DCC: variants seen among roughly 807,000 people sequenced by gnomAD.
The protein encoded by DCC is DCC netrin 1 receptor, also known as netrin receptor DCC.
DCC carries 58 observed loss-of-function variants against 172.5 expected under a neutral mutation model. That is an observed-to-expected ratio of 0.34 (90% CI 0.27 to 0.42). The LOEUF is 0.42. Among genes scored for constraint, DCC ranks in the 10% least tolerant of loss-of-function variants. The pLI, the probability that DCC is intolerant of heterozygous loss-of-function variation, is 1.00. For missense variants in DCC, 1,740 were observed against 1,791.0 expected, an observed-to-expected ratio of 0.97 and a Z score of 0.51; for synonymous variants, 709 against 644.5, an observed-to-expected ratio of 1.10 and a Z score of -1.52.
At chr18:53,073,634 T>C (rs1401330208) in intron 7 of DCC, among the ~76,000 whole-genome samples, 2 of 152,086 alleles carry the variant, frequency 1.3e-5, no homozygotes, top group African/African-American at 2.4e-5. Context: ...AGGGGAAATA[T>C]ATTGGTTAGA....
At chr18:52,465,719 G>A (rs78649955) in intron 1 of DCC, among the ~76,000 whole-genome samples, 9,379 of 150,950 alleles carry the variant, frequency 0.062, 360 homozygotes, top group East Asian at 0.099. Flanking sequence ...TGAAGGAGGA[G>A]TACACACGTT....
chr18:53,530,115 C>A (rs1305818848), intron 28 of DCC, among the ~76,000 whole-genome samples: 2 of 152,136 alleles, frequency 1.3e-5, no homozygotes, highest in Non-Finnish European at 2.9e-5. Context: ...GTAAGAGGAA[C>A]AGGAGCTAAT....
chr18:52,599,097 A>G (rs1350933975), intron 1 of DCC, among the ~76,000 whole-genome samples: 1 of 152,216 alleles, frequency 6.6e-6, no homozygotes, highest in Non-Finnish European at 1.5e-5. Context: ...GTCAAACCAC[A>G]GATGGATCAA....
intron 2 of DCC, among the ~76,000 whole-genome samples, chr18:52,898,534 G>A (rs1217230402): frequency 6.6e-6 from 1 of 152,110 alleles, no homozygotes; most frequent in East Asian, 1.9e-4. Flanking sequence ...TGACTGTCTG[G>A]ATCTGATGGA....
At chr18:53,013,966 T>C (rs1327507774) in intron 5 of DCC, among the ~76,000 whole-genome samples, 1 of 152,138 alleles carries the variant, frequency 6.6e-6, no homozygotes, top group African/African-American at 2.4e-5. Context: ...ACTGTACCAT[T>C]ACATGGATTA....
intron 7 of DCC, among the ~76,000 whole-genome samples, chr18:53,071,510 T>A (rs2144107133): frequency 6.6e-6 from 1 of 152,310 alleles, no homozygotes; most frequent in East Asian, 1.9e-4. Context: ...CAATTATTTA[T>A]TTTCTGTCTC....
At chr18:53,311,615 A>G (rs2057269882) in intron 13 of DCC, among the ~76,000 whole-genome samples, 1 of 152,224 alleles carries the variant, frequency 6.6e-6, no homozygotes, top group South Asian at 2.1e-4. Flanking sequence ...ATAACTTTGT[A>G]AAAGATAATT....
At chr18:52,443,766 T>C (rs866765105) in intron 1 of DCC, among the ~76,000 whole-genome samples, 47 of 152,320 alleles carry the variant, frequency 3.1e-4, no homozygotes, top group African/African-American at 1.1e-3. Context: ...GTTAGGACTT[T>C]ATTGTGTAGC....
At chr18:52,782,698 G>A (rs541816309) in intron 2 of DCC, among the ~76,000 whole-genome samples, 1 of 151,838 alleles carries the variant, frequency 6.6e-6, no homozygotes, top group South Asian at 2.1e-4. Flanking sequence ...GCTGAACCTG[G>A]ATCAATTGCT....
intron 1 of DCC, among the ~76,000 whole-genome samples, chr18:52,590,335 T>G (rs2033772199): frequency 6.6e-6 from 1 of 152,234 alleles, no homozygotes; most frequent in African/African-American, 2.4e-5. Flanking sequence ...TCTACAATTC[T>G]TTTTAAAATT....
chr18:52,492,720 C>T (rs1176096851), intron 1 of DCC, among the ~76,000 whole-genome samples: 1 of 152,068 alleles, frequency 6.6e-6, no homozygotes, highest in African/African-American at 2.4e-5. Flanking sequence ...TGTTGCCCCG[C>T]AGTGTGTGTG....
intron 7 of DCC, among the ~76,000 whole-genome samples, chr18:53,066,385 A>G (rs866342633): frequency 1.2e-4 from 10 of 80,980 alleles, no homozygotes; most frequent in East Asian, 8.4e-4. Flanking sequence ...ATATATATAT[A>G]TATATATATA....
chr18:52,864,817 G>A (rs2039195486), intron 2 of DCC, among the ~76,000 whole-genome samples: 1 of 151,560 alleles, frequency 6.6e-6, no homozygotes, highest in South Asian at 2.1e-4. Context: ...TGAGAATGAT[G>A]GTTTCCAGCT....
At chr18:53,014,835 T>A (rs2041785379) in intron 5 of DCC, among the ~76,000 whole-genome samples, 1 of 152,076 alleles carries the variant, frequency 6.6e-6, no homozygotes, top group African/African-American at 2.4e-5. Context: ...AGACCAAAAT[T>A]AGGCCATCCC....
intron 1 of DCC, among the ~76,000 whole-genome samples, chr18:52,569,170 T>C (rs11665228): frequency 0.14 from 20,950 of 152,248 alleles, 1,544 homozygotes; most frequent in South Asian, 0.22. Context: ...CATCAATCTG[T>C]ACTGTGTGTG....
chr18:53,313,741 C>T (rs1340070954), intron 13 of DCC, among the ~76,000 whole-genome samples: 1 of 152,154 alleles, frequency 6.6e-6, no homozygotes, highest in Non-Finnish European at 1.5e-5. Flanking sequence ...AAATTTGTTG[C>T]TAATGTCTCT....
At chr18:53,322,472 T>G (rs1186656327) in intron 14 of DCC, among the ~76,000 whole-genome samples, 1 of 152,112 alleles carries the variant, frequency 6.6e-6, no homozygotes, top group Non-Finnish European at 1.5e-5. Flanking sequence ...CCTTAACCAT[T>G]TCGTTCACAA....
At chr18:53,498,805 AT>A (rs1182448054) in intron 26 of DCC, among the ~76,000 whole-genome samples, 2 of 152,146 alleles carry the variant, frequency 1.3e-5, no homozygotes, top group African/African-American at 4.8e-5. Flanking sequence ...AGTGGTTATT[AT>A]TTGTATCATT....
intron 2 of DCC, among the ~76,000 whole-genome samples, chr18:52,808,998 G>GC (rs1212359464): frequency 6.6e-6 from 1 of 152,150 alleles, no homozygotes; most frequent in Admixed American, 6.5e-5. Flanking sequence ...GTCTACAAAA[G>GC]CGTATGCCTG....
Sources: allele counts gnomAD v4.1 joint callset (sites outside exome capture counted in the v4.1 genomes callset), GRCh38; gene constraint gnomAD v4.1.1; transcripts MANE v1.5; gene names NCBI Gene and HGNC (gene_info 2026-07-23, HGNC 2026-07-21).